The following CACNA2D2 variants were observed in gnomAD, a reference collection of about 807,000 sequenced individuals.
The protein encoded by CACNA2D2 is calcium voltage-gated channel auxiliary subunit alpha2delta 2.
CACNA2D2 carries 48 observed loss-of-function variants against 166.4 expected under a neutral mutation model. That is an observed-to-expected ratio of 0.29 (90% CI 0.23 to 0.37). The LOEUF is 0.37. CACNA2D2 is among the 10% of genes least tolerant of loss of function. The probability of loss-of-function intolerance (pLI) is 1.00; values close to 1 mark genes in which losing one functional copy is unlikely to be tolerated. For synonymous variants in CACNA2D2, 561 were observed against 573.7 expected, an observed-to-expected ratio of 0.98 and a Z score of 0.32; for missense variants, 1,122 against 1,433.0, an observed-to-expected ratio of 0.78 and a Z score of 3.50.
chr3:50,429,048 A>G (rs114397936), intron 3 of CACNA2D2, among the ~76,000 whole-genome samples: 2,848 of 152,164 alleles, frequency 0.019, 37 homozygotes, highest in Non-Finnish European at 0.027. Flanking sequence ...TGCGCAACAT[A>G]GCGAAACCCC....
rs1266990671 is a variant in CACNA2D2 at position 50,366,974 on chromosome 3, C to T, written c.2500+37G>A. On this transcript the variant is annotated intron_variant, in intron 28 of 37. Coordinates refer to ENST00000424201, the MANE Select transcript of CACNA2D2 (RefSeq NM_006030.4). The surrounding 1 kb of genome is among the most constrained non-coding windows in gnomAD (Gnocchi z 5.9). ...CTACCTGCCCAGGCAGTACCCTGTCCATTGCCTGTTTCCCCACCTCTGTCC... is the reference window on the plus strand; with the variant it reads ...CTACCTGCCCAGGCAGTACCCTGTCTATTGCCTGTTTCCCCACCTCTGTCC... 3.1e-6 allele frequency: 5 copies of T among 1,611,972 alleles called. No homozygotes were observed. The highest frequency in any genetic ancestry group is 3.4e-6 in the Non-Finnish European group (4 of 1,178,346).
At position 50,394,015 on chromosome 3, in the gene CACNA2D2, C is replaced by T. The variant is rs1242764045; in HGVS notation, c.465+94G>A. 12 of 1,089,852 alleles carry T rather than the reference C, an allele frequency of 1.1e-5. No individual in the cohort carries two copies. The African/African-American group carries it at 1.2e-4, about 11-fold the overall frequency. 67.5% of individuals were successfully genotyped at this position (1,089,852 alleles called of 1,614,324 possible). ...TCTACTCCACAGACCCCTCTGTGTCCCTCATGTGTCTGGGCAGCTCCCACC... is the reference window on the plus strand; with the variant it reads ...TCTACTCCACAGACCCCTCTGTGTCTCTCATGTGTCTGGGCAGCTCCCACC... On this transcript the variant is annotated intron_variant, in intron 4 of 37. Coordinates refer to ENST00000424201, the MANE Select transcript of CACNA2D2 (RefSeq NM_006030.4).
chr3:50,497,611 C>T (rs997278106), intron 1 of CACNA2D2, among the ~76,000 whole-genome samples: 2 of 152,224 alleles, frequency 1.3e-5, no homozygotes, highest in African/African-American at 4.8e-5. Flanking sequence ...AGTGGCAGGG[C>T]AGGGCTTGGC....
At chr3:50,484,077 C>T (rs553080242) in intron 1 of CACNA2D2, among the ~76,000 whole-genome samples, 7 of 152,268 alleles carry the variant, frequency 4.6e-5, no homozygotes, top group African/African-American at 9.6e-5. Context: ...GAGATCCTGA[C>T]GGTCCCTTGG....
chr3:50,430,586 G>C (rs1708019238), intron 3 of CACNA2D2, among the ~76,000 whole-genome samples: 1 of 152,228 alleles, frequency 6.6e-6, no homozygotes, highest in Non-Finnish European at 1.5e-5. Flanking sequence ...CCCCAGCCCT[G>C]AACAGGGCAT....
At position 50,365,451 on chromosome 3, in the gene CACNA2D2, C is replaced by G. The variant is rs200217699; in HGVS notation, c.3003G>C (p.Thr1001=). 2.5e-6 allele frequency: 4 copies of G among 1,613,470 alleles called. No homozygotes were observed. The highest frequency in any genetic ancestry group is 2.2e-5 in the South Asian group (2 of 91,088). ...GTTTCATGACGCAGCTGCTCTCGCG[C>G]GTCTCGGGGCTCCCCTCGGCCTCCG... ...DPAEAEGSPE[T]RESSCVMKQT... Residue 1001 remains threonine, a synonymous_variant, in exon 35 of 38, where the codon ACG becomes ACC. Transcript: ENST00000424201. The surrounding 1 kb of genome is among the most constrained non-coding windows in gnomAD (Gnocchi z 4.5).
chr3:50,448,479 C>T (rs1182680536), intron 2 of CACNA2D2, among the ~76,000 whole-genome samples: 1 of 152,162 alleles, frequency 6.6e-6, no homozygotes, highest in Non-Finnish European at 1.5e-5. Context: ...CTTCCATGGG[C>T]ACCTCAGGCC....
intron 2 of CACNA2D2, among the ~76,000 whole-genome samples, chr3:50,460,069 C>A (rs1709524900): frequency 6.6e-6 from 1 of 152,026 alleles, no homozygotes; most frequent in African/African-American, 2.4e-5. Context: ...ACTGTGGCTA[C>A]AACATGGAGT....
chr3:50,420,309 T>C (rs912137185), intron 3 of CACNA2D2, among the ~76,000 whole-genome samples: 5 of 152,230 alleles, frequency 3.3e-5, no homozygotes, highest in African/African-American at 9.6e-5. Flanking sequence ...TCCATCAATG[T>C]GGCAGGCTCT....
At chr3:50,403,891 G>A (rs1706565231) in intron 3 of CACNA2D2, among the ~76,000 whole-genome samples, 1 of 152,204 alleles carries the variant, frequency 6.6e-6, no homozygotes, top group Non-Finnish European at 1.5e-5. Context: ...TGCCCTGTAG[G>A]GCTGGGTTCC....
Position 50,367,249 on chromosome 3 carries a change from G to A in CACNA2D2, c.2402-140C>T, listed in dbSNP as rs951677098. 21 of 989,820 alleles carry A rather than the reference G, an allele frequency of 2.1e-5. No individual in the cohort carries two copies. Among genetic ancestry groups the A allele is most frequent in the African/African-American group, 4.8e-5 (3 of 62,442 alleles). 61.3% of individuals were successfully genotyped at this position (989,820 alleles called of 1,614,324 possible). The stretch of plus-strand genomic sequence containing the variant: ...AGCACTCAGGACAGTGTTTGGCACA[G>A]TCTATCCCTCTTTTCACGTCTGCCC... On this transcript the variant is annotated intron_variant, in intron 27 of 37. Coordinates refer to ENST00000424201, the MANE Select transcript of CACNA2D2 (RefSeq NM_006030.4). The surrounding 1 kb of genome is among the most constrained non-coding windows in gnomAD (Gnocchi z 6.5).
At chr3:50,443,133 C>CG (rs1381861382) in intron 2 of CACNA2D2, among the ~76,000 whole-genome samples, 3 of 152,204 alleles carry the variant, frequency 2.0e-5, no homozygotes, top group African/African-American at 7.2e-5. Context: ...CCAGCTGGCA[C>CG]GGGGGAGTGC....
chr3:50,471,828 G>A (rs949941905), intron 2 of CACNA2D2, among the ~76,000 whole-genome samples: 5 of 152,208 alleles, frequency 3.3e-5, no homozygotes, highest in Non-Finnish European at 7.3e-5. Flanking sequence ...CATTCCTGAG[G>A]AGTGCTGAGC....
intron 2 of CACNA2D2, among the ~76,000 whole-genome samples, chr3:50,439,679 TAAAC>T (rs376035372): frequency 2.0e-4 from 30 of 152,240 alleles, no homozygotes; most frequent in African/African-American, 7.0e-4. Context: ...CCAACCCAAA[TAAAC>T]AAGCCCTGGG....
At chr3:50,369,303 G>A (rs1395834393) in intron 23 of CACNA2D2, among the ~76,000 whole-genome samples, 2 of 152,234 alleles carry the variant, frequency 1.3e-5, no homozygotes, top group Admixed American at 1.3e-4. Context: ...GAGCTCTTCT[G>A]AGCCACAGAC....
At chr3:50,452,985 T>C (rs1167605764) in intron 2 of CACNA2D2, among the ~76,000 whole-genome samples, 1 of 152,210 alleles carries the variant, frequency 6.6e-6, no homozygotes, top group African/African-American at 2.4e-5. Context: ...TGTCTGAAGA[T>C]GATGCAGAGG....
chr3:50,405,468 G>A (rs964135086), intron 3 of CACNA2D2, among the ~76,000 whole-genome samples: 9 of 152,202 alleles, frequency 5.9e-5, no homozygotes, highest in South Asian at 2.1e-4. Context: ...AGGGAGGAGC[G>A]TCAGGGCTGG....
In CACNA2D2 at chr3:50,367,726, G is replaced by C; in HGVS notation, c.2235-22C>G. 1 of 1,612,156 alleles carries C rather than the reference G, an allele frequency of 6.2e-7. No homozygotes were observed. The highest frequency in any genetic ancestry group is 8.5e-7 in the Non-Finnish European group (1 of 1,178,816). Reference sequence around the variant, plus strand: ...GTACCTGGGGGTAGCAGGGGGGTGGGGTCACAGGCCTGCCTTCTGCTGGGC... The same window carrying C: ...GTACCTGGGGGTAGCAGGGGGGTGGCGTCACAGGCCTGCCTTCTGCTGGGC... On this transcript the variant is annotated intron_variant, in intron 25 of 37. Coordinates refer to ENST00000424201, the MANE Select transcript of CACNA2D2 (RefSeq NM_006030.4). The surrounding 1 kb of genome is among the most constrained non-coding windows in gnomAD (Gnocchi z 6.5).
intron 5 of CACNA2D2, among the ~76,000 whole-genome samples, chr3:50,385,422 G>A (rs145803981): frequency 6.6e-6 from 1 of 152,172 alleles, no homozygotes; most frequent in Non-Finnish European, 1.5e-5. Flanking sequence ...GGTCCACGTG[G>A]GCTGACCCCC....
Sources: gnomAD v4.1 joint callset for allele counts (sites outside exome capture counted in the v4.1 genomes callset) on GRCh38, gnomAD v4.1.1 for gene constraint, Gnocchi (gnomAD v3.1) non-coding constraint, MANE v1.5 for transcripts, NCBI Gene and HGNC (gene_info 2026-07-23, HGNC 2026-07-21) for gene names.